Variants in PLS1 observed in about 807,000 individuals in gnomAD.
PLS1 encodes plastin 1, also known as plastin-1.
PLS1 carries 32 observed loss-of-function variants against 73.7 expected under a neutral mutation model. That is an observed-to-expected ratio of 0.43 (90% CI 0.33 to 0.58). The LOEUF (loss-of-function observed/expected upper bound fraction) is 0.58. Among genes scored for constraint, PLS1 ranks in the 20% least tolerant of loss-of-function variants. The pLI is 0.04. For missense variants in PLS1, 633 were observed against 740.5 expected (o/e 0.85, Z 1.68); for synonymous variants, 217 against 261.3 (o/e 0.83, Z 1.63).
chr3:142,658,492 AG>A (rs1487762527), intron 1 of PLS1, among the ~76,000 whole-genome samples: 2 of 151,014 alleles, frequency 1.3e-5, no homozygotes, highest in Non-Finnish European at 3.0e-5. Flanking sequence ...AAAAAAAAAA[AG>A]ATGTAACAGA....
At chr3:142,707,693 C>T (rs918858933) in intron 14 of PLS1, among the ~76,000 whole-genome samples, 4 of 152,166 alleles carry the variant, frequency 2.6e-5, no homozygotes, top group African/African-American at 9.7e-5. Context: ...CAAAGCTTGC[C>T]CTGTGTCAGG....
chr3:142,632,504 A>C (rs916154885), intron 1 of PLS1, among the ~76,000 whole-genome samples: 1 of 152,206 alleles, frequency 6.6e-6, no homozygotes, highest in African/African-American at 2.4e-5. Context: ...TATAGAAAGC[A>C]GTATGGAGGG....
At chr3:142,608,079 A>G (rs575054850) in intron 1 of PLS1, among the ~76,000 whole-genome samples, 17 of 152,282 alleles carry the variant, frequency 1.1e-4, no homozygotes, top group African/African-American at 4.1e-4. Context: ...TCCTGGGCTC[A>G]GGCAGTTCTC....
chr3:142,630,895 C>CAT (rs1009111086), intron 1 of PLS1, among the ~76,000 whole-genome samples: 47 of 147,624 alleles, frequency 3.2e-4, no homozygotes, highest in African/African-American at 1.2e-3. Context: ...GGCATAAAGA[C>CAT]ATATATATAG....
intron 12 of PLS1, among the ~76,000 whole-genome samples, chr3:142,702,890 G>A (rs1208587957): frequency 2.0e-5 from 3 of 152,250 alleles, no homozygotes; most frequent in Middle Eastern, 3.4e-3. Flanking sequence ...ATTTGTGCAC[G>A]TAAAAATTTT....
intron 3 of PLS1, among the ~76,000 whole-genome samples, chr3:142,670,658 A>G (rs1390455510): frequency 2.6e-5 from 4 of 152,198 alleles, no homozygotes; most frequent in African/African-American, 9.7e-5. Flanking sequence ...AGGCAGGAAA[A>G]TATCTTCATT....
intron 14 of PLS1, among the ~76,000 whole-genome samples, chr3:142,709,761 G>A (rs1163603747): frequency 8.6e-5 from 13 of 150,774 alleles, no homozygotes. Flanking sequence ...AGCTTGCAGT[G>A]AGCCAAGATG....
chr3:142,650,931 G>C (rs2037073997), intron 1 of PLS1, among the ~76,000 whole-genome samples: 1 of 152,078 alleles, frequency 6.6e-6, no homozygotes, highest in Non-Finnish European at 1.5e-5. Context: ...CCAGTTGCCT[G>C]AGCTGGGAAA....
Position 142,694,488 on chromosome 3 carries a change from A to C in PLS1, c.1197A>C (p.Arg399Ser). The change falls in exon 11 of 16, where the codon AGA becomes AGC. Residue 399 changes from arginine (R) to serine (S), a missense_variant. Transcript: ENST00000457734. Reference protein sequence around the residue: ...NLLEGESKEERTFRNWMNSLG... With the variant: ...NLLEGESKEESTFRNWMNSLG... Reference sequence around the variant, plus strand: ...CTCTAGGAGAGAGCAAGGAAGAGAGAACATTTCGGAACTGGATGAATTCCT... The same window carrying C: ...CTCTAGGAGAGAGCAAGGAAGAGAGCACATTTCGGAACTGGATGAATTCCT... 1 of 1,604,532 alleles carries C rather than the reference A, an allele frequency of 6.2e-7. No homozygotes were observed. The highest frequency in any genetic ancestry group is 8.5e-7 in the Non-Finnish European group (1 of 1,171,512).
At chr3:142,613,502 A>C (rs1027439613) in intron 1 of PLS1, among the ~76,000 whole-genome samples, 2 of 152,104 alleles carry the variant, frequency 1.3e-5, no homozygotes, top group African/African-American at 4.8e-5. Context: ...TTTTCAACTT[A>C]AAAAAAGAAA....
At chr3:142,686,418 C>G (rs774005613) in intron 9 of PLS1, 42 bp downstream of exon 9, 11 of 1,153,542 alleles carry the variant, frequency 9.5e-6, no homozygotes, top group African/African-American at 1.5e-5. Flanking sequence ...TGTGGTAAAA[C>G]AGACGTAGAA....
intron 1 of PLS1, among the ~76,000 whole-genome samples, chr3:142,610,947 C>G (rs1026692001): frequency 6.6e-6 from 1 of 152,142 alleles, no homozygotes; most frequent in Non-Finnish European, 1.5e-5. Context: ...AGTTGGCAAA[C>G]TTTTTCTGTA....
intron 1 of PLS1, among the ~76,000 whole-genome samples, chr3:142,641,447 T>C (rs1202356696): frequency 6.6e-6 from 1 of 151,256 alleles, no homozygotes; most frequent in Non-Finnish European, 1.5e-5. Context: ...TGAATATATA[T>C]ATCCTGTTCT....
At position 142,601,070 on chromosome 3, in the gene PLS1, C is replaced by A. The variant is rs1415006237; in HGVS notation, c.-37+4561C>A. Reference sequence around the variant, plus strand: ...TCCCGAGTAGCTGGGACTACAGGCACCCGCCACCACGCCCGGCTAATTTTT... The same window carrying A: ...TCCCGAGTAGCTGGGACTACAGGCAACCGCCACCACGCCCGGCTAATTTTT... On this transcript the variant is annotated intron_variant, in intron 1 of 15. Transcript: ENST00000457734. Among the ~76,000 whole-genome samples, 2 of 146,676 alleles carry A rather than the reference C, an allele frequency of 1.4e-5. 1 individual carries two copies. The highest frequency in any genetic ancestry group is 5.0e-5 in the African/African-American group (2 of 39,978).
At chr3:142,635,364 G>A (rs1159908953) in intron 1 of PLS1, among the ~76,000 whole-genome samples, 1 of 150,146 alleles carries the variant, frequency 6.7e-6, no homozygotes, top group Non-Finnish European at 1.5e-5. Context: ...AAGATTAATT[G>A]TCTACATATC....
At chr3:142,667,250 A>G (rs933178866) in intron 2 of PLS1, among the ~76,000 whole-genome samples, 21 of 152,112 alleles carry the variant, frequency 1.4e-4, no homozygotes, top group African/African-American at 1.9e-4. Context: ...CCCCATCTGT[A>G]CTAAAAATAC....
chr3:142,684,093 C>T lies in PLS1; in HGVS notation c.667C>T (p.Pro223Ser). 6.2e-7 allele frequency: 1 copy of T among 1,613,832 alleles called. No homozygotes were observed. The highest frequency in any genetic ancestry group is 8.5e-7 in the Non-Finnish European group (1 of 1,179,846). Residue 223 changes from proline (P) to serine (S), a missense_variant, in exon 7 of 16, where the codon CCT becomes TCT. By Grantham distance (74) the Pro-to-Ser change is moderately conservative (BLOSUM62 -1). Coordinates refer to ENST00000457734, the MANE Select transcript of PLS1 (RefSeq NM_001145319.2). ...IGASDLKEGK[P>S]HLVLGLLWQI... Reference sequence around the variant, plus strand: ...TGCATCAGATCTCAAAGAAGGAAAACCTCACTTGGTCTTGGGACTTCTCTG... The same window carrying T: ...TGCATCAGATCTCAAAGAAGGAAAATCTCACTTGGTCTTGGGACTTCTCTG...
rs1299524673 is a variant in PLS1, at chr3:142,671,110, C to A, written c.352C>A (p.His118Asn). Residue 118 changes from histidine (H) to asparagine (N), a missense_variant, in exon 4 of 16, where the codon CAT becomes AAT. Physicochemically the swap from His to Asn is moderately conservative, Grantham distance 68 (BLOSUM62 1). Transcript: ENST00000457734. ...TSTISSEGTQ[H>N]SYSEEEKVAF... The stretch of plus-strand genomic sequence containing the variant: ...AACTATTTCCAGTGAGGGCACACAG[C>A]ATTCTTATTCAGGTAACTGACTTCT... 1.2e-6 allele frequency: 2 copies of A among 1,610,492 alleles called. No individual in the cohort carries two copies.
chr3:142,675,766 C>A (rs1038856416), intron 4 of PLS1, among the ~76,000 whole-genome samples: 1 of 152,052 alleles, frequency 6.6e-6, no homozygotes, highest in African/African-American at 2.4e-5. Flanking sequence ...ACCTCCACCC[C>A]CCGGTTCAAG....
Sources: gnomAD v4.1 joint callset for allele counts (sites outside exome capture counted in the v4.1 genomes callset) on GRCh38, gnomAD v4.1.1 for gene constraint, MANE v1.5 for transcripts, NCBI Gene and HGNC (gene_info 2026-07-23, HGNC 2026-07-21) for gene names.